Variants in LDAH observed in about 807,000 individuals in gnomAD.
The protein encoded by LDAH is lipid droplet associated hydrolase.
A neutral mutation model predicts 29.6 loss-of-function variants in LDAH; 26 were observed. The ratio of observed to expected loss-of-function variants is 0.88; its 90% confidence interval spans 0.64 to 1.22. The LOEUF is 1.22. Ranked by LOEUF, LDAH falls within the 50% of genes most tolerant of loss-of-function variation. LDAH has a pLI of 0.00. For missense variants in LDAH, 344 were observed against 387.3 expected (o/e 0.89, Z 0.94); for synonymous variants, 117 against 133.0 (o/e 0.88, Z 0.83).
intron 4 of LDAH, among the ~76,000 whole-genome samples, chr2:20,766,776 C>T (rs550014362): frequency 8.7e-4 from 132 of 152,334 alleles, no homozygotes; most frequent in African/African-American, 3.0e-3. Flanking sequence ...GAGGCATAGA[C>T]GGTGGCAGCA....
At chr2:20,693,229 A>G in intron 6 of LDAH, among the ~76,000 whole-genome samples, 1 of 120,292 alleles carries the variant, frequency 8.3e-6, no homozygotes. Context: ...TTTACAGGTG[A>G]GGACAAAGGG....
intron 3 of LDAH, among the ~76,000 whole-genome samples, chr2:20,779,525 A>T (rs1670040821): frequency 6.6e-6 from 1 of 152,056 alleles, no homozygotes; most frequent in Non-Finnish European, 1.5e-5. Context: ...TACACAAAAA[A>T]ATAATATGTT....
intron 5 of LDAH, among the ~76,000 whole-genome samples, chr2:20,723,194 T>C (rs1286663727): frequency 6.6e-6 from 1 of 152,200 alleles, no homozygotes; most frequent in Non-Finnish European, 1.5e-5. Context: ...AGTTGCAACA[T>C]ACAATGTTGA....
chr2:20,739,066 C>A (rs975853616), intron 5 of LDAH, among the ~76,000 whole-genome samples: 7 of 152,250 alleles, frequency 4.6e-5, no homozygotes, highest in African/African-American at 1.4e-4. Flanking sequence ...AGTTGTATAA[C>A]TTTGGGCAAT....
At chr2:20,690,718 TAGAA>T (rs1239289245) in intron 6 of LDAH, among the ~76,000 whole-genome samples, 1 of 151,810 alleles carries the variant, frequency 6.6e-6, no homozygotes, top group Non-Finnish European at 1.5e-5. Context: ...AGGGGTGAAG[TAGAA>T]AGAAAGAGAA....
chr2:20,807,771 C>A (rs915850136), intron 1 of LDAH, among the ~76,000 whole-genome samples: 20 of 151,394 alleles, frequency 1.3e-4, no homozygotes, highest in African/African-American at 4.8e-4. Context: ...AATATTGAAA[C>A]CCTCTCTGAG....
At chr2:20,710,627 T>G (rs113327329) in intron 5 of LDAH, among the ~76,000 whole-genome samples, 5 of 139,230 alleles carry the variant, frequency 3.6e-5, no homozygotes, top group Admixed American at 1.5e-4. Flanking sequence ...TATAGATATA[T>G]ATATATAGAT....
At chr2:20,738,253 A>AAATAATAAT (rs3047714) in intron 5 of LDAH, among the ~76,000 whole-genome samples, 13,873 of 141,496 alleles carry the variant, frequency 0.098, 951 homozygotes, top group African/African-American at 0.18. Flanking sequence ...TTCCATCTCA[A>AAATAATAAT]AATAATAATA....
downstream of LDAH, among the ~76,000 whole-genome samples, chr2:20,682,771 G>A (rs1040808315): frequency 1.3e-5 from 2 of 152,148 alleles, no homozygotes; most frequent in Non-Finnish European, 2.9e-5. Context: ...TCTAACACAC[G>A]AACTTTGGAG....
chr2:20,716,468 A>T (rs1665195317), intron 5 of LDAH, among the ~76,000 whole-genome samples: 1 of 151,696 alleles, frequency 6.6e-6, no homozygotes, highest in Admixed American at 6.6e-5. Flanking sequence ...CGAGCAAACT[A>T]TCACAAGGAC....
At chr2:20,768,261 A>C (rs1415917416) in intron 4 of LDAH, among the ~76,000 whole-genome samples, 2 of 152,190 alleles carry the variant, frequency 1.3e-5, no homozygotes, top group Non-Finnish European at 2.9e-5. Flanking sequence ...GAAAATCTGC[A>C]GCACTTCAGG....
At chr2:20,770,261 A>T (rs1320946882) in intron 4 of LDAH, among the ~76,000 whole-genome samples, 1 of 152,180 alleles carries the variant, frequency 6.6e-6, no homozygotes, top group Admixed American at 6.5e-5. Context: ...GAGAGAAGAC[A>T]TTTTTGCTAA....
intron 4 of LDAH, among the ~76,000 whole-genome samples, chr2:20,771,450 A>AT (rs2125004140): frequency 6.6e-6 from 1 of 152,346 alleles, no homozygotes; most frequent in East Asian, 1.9e-4. Flanking sequence ...TGGCAAAATG[A>AT]TTAAGGATTG....
At chr2:20,789,219 G>C in intron 3 of LDAH, 1 of 1,550,550 alleles carries the variant, frequency 6.4e-7, no homozygotes, top group Non-Finnish European at 8.7e-7. Context: ...ATGCTATTAA[G>C]AGGTGGAGAG....
In LDAH at chr2:20,687,080, A is replaced by G; in HGVS notation, c.801T>C (p.Tyr267=). Residue 267 remains tyrosine, a synonymous_variant, in exon 7 of 7, where the codon TAT becomes TAC. Coordinates refer to ENST00000237822, the MANE Select transcript of LDAH (RefSeq NM_021925.4). ...TTGGACACCAAGGATCTATAGTACC[A>G]TAATAAAATGTAAGCTGAAAGACAA... ...KEHLCKLTFY[Y]GTIDPWCPKE... 1.2e-6 allele frequency: 2 copies of G among 1,604,484 alleles called. No homozygotes were observed. Among genetic ancestry groups the G allele is most frequent in the Non-Finnish European group, 1.7e-6 (2 of 1,176,270 alleles).
At chr2:20,755,070 G>C (rs906456736) in intron 4 of LDAH, among the ~76,000 whole-genome samples, 13 of 151,884 alleles carry the variant, frequency 8.6e-5, no homozygotes, top group Admixed American at 8.5e-4. Flanking sequence ...GGGATAAGGG[G>C]CAATAATATA....
At chr2:20,733,517 A>T (rs1666561317) in intron 5 of LDAH, among the ~76,000 whole-genome samples, 1 of 150,642 alleles carries the variant, frequency 6.6e-6, no homozygotes. Context: ...CTCCTGCCTC[A>T]GTCCCCCAAC....
chr2:20,723,176 ATAAT>A (rs1407017956), intron 5 of LDAH, among the ~76,000 whole-genome samples: 4 of 152,260 alleles, frequency 2.6e-5, no homozygotes, highest in African/African-American at 9.6e-5. Context: ...TAAAAATGAA[ATAAT>A]TAAAGTTGCA....
intron 5 of LDAH, among the ~76,000 whole-genome samples, chr2:20,707,973 G>A (rs956102609): frequency 6.6e-5 from 10 of 152,134 alleles, no homozygotes; most frequent in South Asian, 4.1e-4. Context: ...TCTAGGTTGC[G>A]TGCTCCTTAT....
Sources: gnomAD v4.1 joint callset for allele counts (sites outside exome capture counted in the v4.1 genomes callset) on GRCh38, gnomAD v4.1.1 for gene constraint, MANE v1.5 for transcripts, NCBI Gene and HGNC (gene_info 2026-07-23, HGNC 2026-07-21) for gene names.